BTBD9: variants seen among roughly 807,000 people sequenced by gnomAD.
BTBD9 encodes the protein BTB domain containing 9.
In BTBD9, 49 loss-of-function variants were observed where a neutral mutation model predicts 64.3. The observed-to-expected ratio is 0.76, with a 90% confidence interval of 0.61 to 0.97. BTBD9 has a LOEUF of 0.97. BTBD9 is among the 50% of genes least tolerant of loss of function. The probability of loss-of-function intolerance (pLI) is 0.00; values close to 1 mark genes in which losing one functional copy is unlikely to be tolerated. For synonymous variants in BTBD9, 260 were observed against 274.7 expected (o/e 0.95, Z 0.53); for missense variants, 598 against 762.1 (o/e 0.78, Z 2.53).
intron 6 of BTBD9, among the ~76,000 whole-genome samples, chr6:38,440,891 G>T (rs2127313943): frequency 6.6e-6 from 1 of 152,234 alleles, no homozygotes; most frequent in Admixed American, 6.5e-5. Flanking sequence ...ATACAGCATT[G>T]GCCAAATCTA....
chr6:38,440,399 A>G (rs892355317), intron 6 of BTBD9, among the ~76,000 whole-genome samples: 7 of 152,206 alleles, frequency 4.6e-5, no homozygotes, highest in Non-Finnish European at 8.8e-5. Context: ...AACTGAATCC[A>G]GTGCTGCTGC....
chr6:38,238,142 T>C (rs1763853523), intron 9 of BTBD9, among the ~76,000 whole-genome samples: 5 of 152,196 alleles, frequency 3.3e-5, no homozygotes, highest in Admixed American at 3.3e-4. Context: ...AAGCACCTCA[T>C]TCAATCTTTT....
intron 10 of BTBD9, among the ~76,000 whole-genome samples, chr6:38,183,009 T>C (rs754557400): frequency 4.6e-5 from 7 of 151,932 alleles, no homozygotes; most frequent in Non-Finnish European, 8.8e-5. Context: ...AGACAGAGTC[T>C]TGCTCTGTCG....
At chr6:38,486,376 C>A (rs145854960) in intron 6 of BTBD9, among the ~76,000 whole-genome samples, 3 of 152,218 alleles carry the variant, frequency 2.0e-5, no homozygotes, top group African/African-American at 7.2e-5. Flanking sequence ...TAGCTTTCAG[C>A]CTATCTCAGC....
At chr6:38,303,872 T>C (rs6919178) in intron 7 of BTBD9, among the ~76,000 whole-genome samples, 4,343 of 106,508 alleles carry the variant, frequency 0.041, 130 homozygotes, top group East Asian at 0.16. Context: ...TATATATATA[T>C]ATACACACAC....
chr6:38,333,087 G>C (rs1327003771), intron 7 of BTBD9, among the ~76,000 whole-genome samples: 2 of 152,186 alleles, frequency 1.3e-5, no homozygotes, highest in South Asian at 2.1e-4. Flanking sequence ...GCTAGTGATG[G>C]AGTAGAAAGA....
At chr6:38,237,704 T>G (rs1763826163) in intron 9 of BTBD9, among the ~76,000 whole-genome samples, 1 of 152,068 alleles carries the variant, frequency 6.6e-6, no homozygotes, top group South Asian at 2.1e-4. Flanking sequence ...CAATCTTAAT[T>G]CCTTACAAAA....
At chr6:38,537,364 A>G (rs1267132137) in intron 6 of BTBD9, among the ~76,000 whole-genome samples, 4 of 152,328 alleles carry the variant, frequency 2.6e-5, no homozygotes, top group South Asian at 4.1e-4. Flanking sequence ...TCTCAGTTTG[A>G]ATTTCTTTTT....
At chr6:38,261,121 T>A (rs886857449) in intron 8 of BTBD9, among the ~76,000 whole-genome samples, 6 of 152,054 alleles carry the variant, frequency 3.9e-5, no homozygotes, top group Non-Finnish European at 5.9e-5. Context: ...TTTTTTTTTT[T>A]AATTTTGTTG....
chr6:38,235,128 C>G (rs1353951961), intron 9 of BTBD9, among the ~76,000 whole-genome samples: 1 of 152,220 alleles, frequency 6.6e-6, no homozygotes, highest in Non-Finnish European at 1.5e-5. Context: ...CTGCACTTTA[C>G]ACTCTGACAA....
chr6:38,566,083 G>A (rs750274437), intron 6 of BTBD9: 1 of 151,894 alleles, frequency 6.6e-6, no homozygotes, highest in Admixed American at 6.6e-5. Flanking sequence ...AATTTTAAGG[G>A]GAAAGTAGAT....
At position 38,435,797 on chromosome 6, in the gene BTBD9, T is replaced by G. The variant is rs9689341; in HGVS notation, c.1155-90704A>C. On this transcript the variant is annotated intron_variant, in intron 6 of 10. Transcript: ENST00000481247. ...AATTCTCCGGCCTCAGCCTCCCGAG[T>G]AGCTGGGATTACAGGTGCCCGCCAC... 3.6e-3 allele frequency among the ~76,000 whole-genome samples: 544 copies of G among 151,126 alleles called. 7 individuals carry two copies. Among genetic ancestry groups the G allele is most frequent in the African/African-American group, 0.012 (504 of 40,804 alleles).
chr6:38,271,733 G>A (rs1027672479), intron 8 of BTBD9, among the ~76,000 whole-genome samples: 4 of 152,110 alleles, frequency 2.6e-5, no homozygotes, highest in South Asian at 2.1e-4. Flanking sequence ...GAGTTATGGC[G>A]CCAAGGTAAG....
intron 6 of BTBD9, among the ~76,000 whole-genome samples, chr6:38,370,751 G>A (rs927715914): frequency 7.2e-5 from 11 of 152,214 alleles, no homozygotes; most frequent in African/African-American, 2.7e-4. Flanking sequence ...ACTAACAGCA[G>A]ATCTGCATTT....
At chr6:38,582,292 CTATT>C (rs1238843100) in intron 4 of BTBD9, among the ~76,000 whole-genome samples, 2 of 152,214 alleles carry the variant, frequency 1.3e-5, no homozygotes, top group Non-Finnish European at 2.9e-5. Context: ...CATATTCTTC[CTATT>C]TAACAAATCT....
chr6:38,182,911 T>C (rs2127476055), intron 10 of BTBD9, among the ~76,000 whole-genome samples: 1 of 112,908 alleles, frequency 8.9e-6, no homozygotes. Flanking sequence ...GTCCTGCTTT[T>C]CCTCTCTTTT....
intron 6 of BTBD9, among the ~76,000 whole-genome samples, chr6:38,468,299 A>C (rs1770487781): frequency 6.6e-6 from 1 of 152,126 alleles, no homozygotes; most frequent in Non-Finnish European, 1.5e-5. Context: ...TTCTATTCTG[A>C]CCCCAACCTA....
At chr6:38,387,289 C>A (rs938466550) in intron 6 of BTBD9, among the ~76,000 whole-genome samples, 1 of 152,208 alleles carries the variant, frequency 6.6e-6, no homozygotes, top group Admixed American at 6.5e-5. Flanking sequence ...GTAATCCCAA[C>A]ACTTTGGGAG....
chr6:38,289,185 T>C (rs1761866909), intron 7 of BTBD9, among the ~76,000 whole-genome samples: 1 of 151,852 alleles, frequency 6.6e-6, no homozygotes, highest in Non-Finnish European at 1.5e-5. Flanking sequence ...CCAGCCAGGA[T>C]AATGTGGTGA....
Sources: allele counts gnomAD v4.1 joint callset (sites outside exome capture counted in the v4.1 genomes callset), GRCh38; gene constraint gnomAD v4.1.1; transcripts MANE v1.5; gene names NCBI Gene and HGNC (gene_info 2026-07-23, HGNC 2026-07-21).